CADPS: variants seen among roughly 807,000 people sequenced by gnomAD.
The protein encoded by CADPS is calcium-dependent secretion activator 1.
A neutral mutation model predicts 167.3 loss-of-function variants in CADPS; 57 were observed. That is an observed-to-expected ratio of 0.34 (90% CI 0.28 to 0.42). The LOEUF (loss-of-function observed/expected upper bound fraction) is 0.42. Among genes scored for constraint, CADPS ranks in the 20% least tolerant of loss-of-function variants. The probability of loss-of-function intolerance (pLI) is 1.00; values close to 1 mark genes in which losing one functional copy is unlikely to be tolerated. For synonymous variants in CADPS, 676 were observed against 635.3 expected, an observed-to-expected ratio of 1.06 and a Z score of -0.96; for missense variants, 1,414 against 1,738.1, an observed-to-expected ratio of 0.81 and a Z score of 3.32.
At chr3:62,708,347 G>A (rs781560378) in intron 3 of CADPS, among the ~76,000 whole-genome samples, 6 of 152,006 alleles carry the variant, frequency 3.9e-5, no homozygotes, top group Non-Finnish European at 8.8e-5. Context: ...TACTGTTGAT[G>A]TATATATATG....
intron 1 of CADPS, among the ~76,000 whole-genome samples, chr3:62,861,517 C>A (rs931721444): frequency 6.6e-6 from 1 of 152,216 alleles, no homozygotes. Flanking sequence ...TACAAATCTC[C>A]CCACAAAATT....
At chr3:62,637,555 G>T (rs2066545170) in intron 6 of CADPS, among the ~76,000 whole-genome samples, 1 of 152,318 alleles carries the variant, frequency 6.6e-6, no homozygotes, top group Admixed American at 6.5e-5. Flanking sequence ...CTGTGCTGGT[G>T]TGTGCGCCAG....
chr3:62,433,874 G>T lies in CADPS; in HGVS notation c.3777+4230C>A, dbSNP rs2054464137. 6.6e-6 allele frequency among the ~76,000 whole-genome samples: 1 copy of T among 152,168 alleles called. No homozygotes were observed. Among genetic ancestry groups the T allele is most frequent in the Non-Finnish European group, 1.5e-5 (1 of 68,028 alleles). Reference sequence around the variant, plus strand: ...AGCATGTTTTTATTTTGGGGAAGATGTTGAATTAATCACTAGAGAAGGAGG... The same window carrying T: ...AGCATGTTTTTATTTTGGGGAAGATTTTGAATTAATCACTAGAGAAGGAGG... On this transcript the variant is annotated intron_variant, in intron 28 of 29. Transcript: ENST00000383710. The surrounding 1 kb of genome is among the most constrained non-coding windows in gnomAD (Gnocchi z 4.7).
At chr3:62,633,939 C>T (rs1471191536) in intron 6 of CADPS, among the ~76,000 whole-genome samples, 1 of 152,148 alleles carries the variant, frequency 6.6e-6, no homozygotes, top group Non-Finnish European at 1.5e-5. Context: ...CTTTTTTTTA[C>T]TTCCCCCTGC....
chr3:62,463,000 T>C (rs912421639), intron 26 of CADPS, among the ~76,000 whole-genome samples: 8 of 152,066 alleles, frequency 5.3e-5, no homozygotes, highest in Non-Finnish European at 1.0e-4. Context: ...GGGAGAAGTG[T>C]CACTAAGGAG....
chr3:62,594,769 C>T (rs950367985), intron 6 of CADPS, among the ~76,000 whole-genome samples: 1 of 152,146 alleles, frequency 6.6e-6, no homozygotes, highest in African/African-American at 2.4e-5. Flanking sequence ...AGAGATCTTA[C>T]ACTGTTGCAG....
At chr3:62,489,323 G>C (rs1241064448) in intron 21 of CADPS, among the ~76,000 whole-genome samples, 1 of 152,116 alleles carries the variant, frequency 6.6e-6, no homozygotes, top group Non-Finnish European at 1.5e-5. Flanking sequence ...ACCACGCCCA[G>C]CTAATTTTTT....
At chr3:62,579,286 C>T (rs962044120) in intron 8 of CADPS, among the ~76,000 whole-genome samples, 1 of 152,106 alleles carries the variant, frequency 6.6e-6, no homozygotes, top group African/African-American at 2.4e-5. Flanking sequence ...ACTTTAAGCT[C>T]CAATTTCTCT....
intron 3 of CADPS, among the ~76,000 whole-genome samples, chr3:62,670,367 G>A (rs561750353): frequency 1.3e-5 from 2 of 152,054 alleles, no homozygotes; most frequent in African/African-American, 4.8e-5. Flanking sequence ...ACATTCTGTT[G>A]TTACAAAAAA....
chr3:62,777,688 T>G (rs73106341), intron 1 of CADPS, among the ~76,000 whole-genome samples: 4,022 of 152,250 alleles, frequency 0.026, 88 homozygotes, highest in Admixed American at 0.055. Flanking sequence ...TGCTCAATTT[T>G]TTTATAAACC....
chr3:62,790,750 G>T (rs772184070), intron 1 of CADPS, among the ~76,000 whole-genome samples: 6 of 152,174 alleles, frequency 3.9e-5, no homozygotes, highest in Non-Finnish European at 8.8e-5. Context: ...CAACGACTAT[G>T]GCTTCTAGAC....
chr3:62,729,603 T>C (rs949638426), intron 3 of CADPS, among the ~76,000 whole-genome samples: 3 of 151,888 alleles, frequency 2.0e-5, no homozygotes, highest in Non-Finnish European at 2.9e-5. Context: ...TCACAATCTT[T>C]AAAATGAAAA....
At chr3:62,546,802 A>G (rs577936421) in intron 11 of CADPS, among the ~76,000 whole-genome samples, 2 of 152,306 alleles carry the variant, frequency 1.3e-5, no homozygotes, top group South Asian at 4.1e-4. Flanking sequence ...TTTATAATTT[A>G]TATGAAAATA....
chr3:62,558,550 A>G (rs2078596954), intron 9 of CADPS, among the ~76,000 whole-genome samples: 1 of 152,194 alleles, frequency 6.6e-6, no homozygotes, highest in African/African-American at 2.4e-5. Context: ...TTTCTAAGTG[A>G]ACTTTGATCC....
intron 24 of CADPS, among the ~76,000 whole-genome samples, chr3:62,471,807 T>G (rs976201618): frequency 6.6e-6 from 1 of 152,196 alleles, no homozygotes; most frequent in Non-Finnish European, 1.5e-5. Flanking sequence ...AAACCTGTTA[T>G]GTTTTAAAGG....
At position 62,682,248 on chromosome 3, in the gene CADPS, A is replaced by T. The variant is rs111352647; in HGVS notation, c.889-19854T>A. ...TCCACTTTTTTTGGAAATTAAGGAT[A>T]AGTGCAGGAGCTATTTTTTTCACTG... On this transcript the variant is annotated intron_variant, in intron 3 of 29. Coordinates refer to ENST00000383710, the MANE Select transcript of CADPS (RefSeq NM_003716.4). Among the ~76,000 whole-genome samples, 558 of 152,132 alleles carry T rather than the reference A, an allele frequency of 3.7e-3. 13 individuals are homozygous for T. Among genetic ancestry groups the T allele is most frequent in the African/African-American group, 0.013 (525 of 41,490 alleles).
At chr3:62,681,206 G>T (rs1260572819) in intron 3 of CADPS, among the ~76,000 whole-genome samples, 1 of 152,016 alleles carries the variant, frequency 6.6e-6, no homozygotes, top group African/African-American at 2.4e-5. Context: ...GTTAGCACCT[G>T]CCATCCTTCT....
rs760114957 is a variant in CADPS, at chr3:62,465,330, A to G, written c.3636+37T>C. 4.0e-5 allele frequency: 61 copies of G among 1,519,628 alleles called. No homozygotes were observed. In the South Asian group the frequency reaches 7.2e-4, roughly 18 times the overall value. The allele number at this position is 1,519,628 out of a possible 1,614,324, so 94.1% of individuals were successfully genotyped here. On this transcript the variant is annotated intron_variant, in intron 26 of 29. Transcript: ENST00000383710. This position sits in a 1 kb window ranked among gnomAD's most constrained non-coding sequence, Gnocchi z 4.1. The stretch of plus-strand genomic sequence containing the variant: ...TCTCCCAAGCCGAAACCAAAAATTA[A>G]AACAAAAGCCAGGAAATAAAGAAGC...
chr3:62,534,733 A>G (rs1230304017), intron 12 of CADPS, among the ~76,000 whole-genome samples: 6 of 152,182 alleles, frequency 3.9e-5, no homozygotes, highest in Admixed American at 1.3e-4. Flanking sequence ...AGATTGTAAT[A>G]ATGAGAAAAT....
Sources: allele counts gnomAD v4.1 joint callset (sites outside exome capture counted in the v4.1 genomes callset), GRCh38; gene constraint gnomAD v4.1.1; non-coding constraint Gnocchi (gnomAD v3.1); transcripts MANE v1.5; gene names NCBI Gene and HGNC (gene_info 2026-07-23, HGNC 2026-07-21).